The following ESD variants were observed in gnomAD, a reference collection of about 807,000 sequenced individuals.
ESD encodes esterase D.
ESD carries 34 observed loss-of-function variants against 38.1 expected under a neutral mutation model. That is an observed-to-expected ratio of 0.89 (90% CI 0.68 to 1.19). The LOEUF is 1.19. ESD is among the 50% of genes most tolerant of loss of function. The pLI, the probability that ESD is intolerant of heterozygous loss-of-function variation, is 0.00. For synonymous variants in ESD, 97 were observed against 107.0 expected (o/e 0.91, Z 0.58); for missense variants, 334 against 327.2 (o/e 1.02, Z -0.16).
At chr13:46,790,005 TATA>T (rs745569985) in intron 3 of ESD, among the ~76,000 whole-genome samples, 2 of 76,288 alleles carry the variant, frequency 2.6e-5, no homozygotes, top group Admixed American at 1.3e-4. Context: ...TATATATATA[TATA>T]TTTTTTTTTT....
At chr13:46,773,481 A>C (rs1874684743) in intron 9 of ESD, among the ~76,000 whole-genome samples, 1 of 152,240 alleles carries the variant, frequency 6.6e-6, no homozygotes, top group African/African-American at 2.4e-5. Context: ...TCCCATTTTG[A>C]ACTAGTGAAT....
Position 46,777,426 on chromosome 13 carries a change from T to C in ESD, c.768+30A>G, listed in dbSNP as rs748412221. On this transcript the variant is annotated intron_variant, in intron 9 of 9. Transcript: ENST00000378720. ...CCTAATTTTTCATAGTTACATTATC[T>C]AGATCAAGCTAAAGTTTCCTAATAC... 5.2e-6 allele frequency: 8 copies of C among 1,540,258 alleles called. 1 individual carries two copies. In the Admixed American group the frequency reaches 1.4e-4, roughly 27 times the overall value.
At chr13:46,781,931 G>A (rs559392348) in intron 6 of ESD, among the ~76,000 whole-genome samples, 1 of 151,602 alleles carries the variant, frequency 6.6e-6, no homozygotes, top group East Asian at 1.9e-4. Flanking sequence ...AAGTCCTTAG[G>A]GAGAAAACAT....
intron 4 of ESD, among the ~76,000 whole-genome samples, chr13:46,786,449 T>A (rs1005987899): frequency 6.6e-6 from 1 of 152,012 alleles, no homozygotes; most frequent in Non-Finnish European, 1.5e-5. Context: ...AAAGTTAGCA[T>A]AGAGGTTTCA....
chr13:46,787,923 T>C (rs1875251979), intron 3 of ESD, among the ~76,000 whole-genome samples: 1 of 151,992 alleles, frequency 6.6e-6, no homozygotes, highest in Admixed American at 6.6e-5. Flanking sequence ...ATAATATGAC[T>C]TTATTACTGC....
At chr13:46,773,492 G>C (rs1020624341) in intron 9 of ESD, among the ~76,000 whole-genome samples, 1 of 152,166 alleles carries the variant, frequency 6.6e-6, no homozygotes, top group South Asian at 2.1e-4. Context: ...ACTAGTGAAT[G>C]GTCACTGATG....
rs1327489587 is a variant in ESD, at chr13:46,784,143, A to T, written c.256+109T>A. On this transcript the variant is annotated intron_variant, in intron 5 of 9. Transcript: ENST00000378720. ...GATGCCACTTGAAAGGTTAATAGAG[A>T]TAACAGCAAAAATATAAAATGAATT... 3.6e-6 allele frequency: 3 copies of T among 837,480 alleles called. No homozygotes were observed. The East Asian group carries it at 8.2e-5, about 23-fold the overall frequency. The allele number at this position is 837,480 out of a possible 1,614,324, so 51.9% of individuals were successfully genotyped here.
chr13:46,771,473 G>T lies in ESD; in HGVS notation c.792C>A (p.Phe264Leu). 1 of 1,605,746 alleles carries T rather than the reference G, an allele frequency of 6.2e-7. No homozygotes were observed. Among genetic ancestry groups the T allele is most frequent in the South Asian group, 1.1e-5 (1 of 90,626 alleles). The change falls in exon 10 of 10, where the codon TTC becomes TTA. Residue 264 changes from phenylalanine to leucine, a missense_variant. Transcript: ENST00000378720. The part of the protein sequence containing the change: ...LQEGYDHSYY[F>L]IATFITDHIR... ...TGTGGTCAGTAATAAAGGTTGCAATGAAGTAGTAGCTATGATCATAACCCT... is the reference window on the plus strand; with the variant it reads ...TGTGGTCAGTAATAAAGGTTGCAATTAAGTAGTAGCTATGATCATAACCCT...
At chr13:46,777,135 G>A (rs1328664841) in intron 9 of ESD, 1 of 170,258 alleles carries the variant, frequency 5.9e-6, no homozygotes, top group African/African-American at 2.4e-5. Flanking sequence ...TTATTCTACT[G>A]CAGCAAAGGT....
rs543552662 is a variant in ESD, at chr13:46,788,557, C to A, written c.69-1448G>T. ...AAACATTTGTTAAGAGGGTATATTT[C>A]ATGTTGTTTTGTTATTACAACAAAA... On this transcript the variant is annotated intron_variant, in intron 3 of 9. Transcript: ENST00000378720. Among the ~76,000 whole-genome samples the A allele has an allele frequency of 1.1e-3, 161 of 151,108 alleles. 1 individual carries two copies. Among genetic ancestry groups the A allele is most frequent in the African/African-American group, 3.9e-3 (160 of 41,212 alleles).
chr13:46,790,983 G>A (rs990218645), intron 3 of ESD, among the ~76,000 whole-genome samples: 12 of 152,166 alleles, frequency 7.9e-5, no homozygotes, highest in Non-Finnish European at 1.0e-4. Flanking sequence ...GGCAGCGGAA[G>A]CAAATGCATG....
chr13:46,784,338 G>A lies in ESD; in HGVS notation c.170C>T (p.Thr57Ile). ...ALYWLSGLTC[T>I]EQNFISKSGY... ...AGATTTTGATATAAAATTTTGCTCT[G>A]TGCAAGTTAAACCTGAAGATAAAAA... The change falls in exon 5 of 10, where the codon ACA (threonine) becomes ATA (isoleucine). Residue 57 changes from threonine (T) to isoleucine (I), a missense_variant. Thr to Ile is a moderately conservative substitution (Grantham distance 89). Coordinates refer to ENST00000378720, the MANE Select transcript of ESD (RefSeq NM_001984.2). The A allele has an allele frequency of 6.2e-7, 1 of 1,609,542 alleles. No homozygotes were observed. The highest frequency in any genetic ancestry group is 8.5e-7 in the Non-Finnish European group (1 of 1,177,808).
At chr13:46,785,881 T>A (rs1875177272) in intron 4 of ESD, among the ~76,000 whole-genome samples, 1 of 151,966 alleles carries the variant, frequency 6.6e-6, no homozygotes, top group African/African-American at 2.4e-5. Flanking sequence ...AGCCAAGAGA[T>A]ATGACTATAG....
At chr13:46,795,732 T>G (rs1292453905) in intron 1 of ESD, among the ~76,000 whole-genome samples, 20 of 151,900 alleles carry the variant, frequency 1.3e-4, no homozygotes, top group Admixed American at 1.2e-3. Flanking sequence ...TCTACCTGTG[T>G]GCAAACACAG....
At chr13:46,795,744 C>T (rs1343902792) in intron 1 of ESD, among the ~76,000 whole-genome samples, 4 of 148,310 alleles carry the variant, frequency 2.7e-5, no homozygotes, top group African/African-American at 7.6e-5. Flanking sequence ...CAAACACAGT[C>T]TTTTTTTTCT....
intron 5 of ESD, among the ~76,000 whole-genome samples, chr13:46,783,064 G>T (rs1307700072): frequency 6.6e-6 from 1 of 151,894 alleles, no homozygotes; most frequent in Non-Finnish European, 1.5e-5. Context: ...AACTTTCTTT[G>T]TTGATGAAGT....
Position 46,787,113 on chromosome 13 carries a change from G to C in ESD, c.69-4C>G, listed in dbSNP as rs1875221775. 1 of 1,529,266 alleles carries C rather than the reference G, an allele frequency of 6.5e-7. No individual in the cohort carries two copies. The highest frequency in any genetic ancestry group is 8.9e-7 in the Non-Finnish European group (1 of 1,128,436). 94.7% of individuals were successfully genotyped at this position (1,529,266 alleles called of 1,614,324 possible). A position where few individuals can be genotyped will look rare whatever the true frequency, so the allele number is the denominator to read the frequency against. The stretch of plus-strand genomic sequence containing the variant: ...CATTTTGCAGTTTAGTTCAACACTA[G>C]TTTTAACAAAAACAACAACAAAATA... On this transcript the variant is annotated splice_polypyrimidine_tract_variant and splice_region_variant and intron_variant, in intron 3 of 9. Transcript: ENST00000378720.
chr13:46,796,595 C>T (rs1875586944), intron 1 of ESD, among the ~76,000 whole-genome samples: 1 of 152,062 alleles, frequency 6.6e-6, no homozygotes, highest in South Asian at 2.1e-4. Context: ...AAGACACGTG[C>T]TCCCCTCGGC....
chr13:46,787,229 T>A (rs1224816069), intron 3 of ESD, 120 bp from the exon 4 acceptor site: 2 of 507,008 alleles, frequency 3.9e-6, no homozygotes, highest in African/African-American at 1.9e-5. Context: ...ATAAGTTATT[T>A]AATGTTCAAA....
Sources: gnomAD v4.1 joint callset for allele counts (sites outside exome capture counted in the v4.1 genomes callset) on GRCh38, gnomAD v4.1.1 for gene constraint, MANE v1.5 for transcripts, NCBI Gene and HGNC (gene_info 2026-07-23, HGNC 2026-07-21) for gene names.